NINL: variants seen among roughly 807,000 people sequenced by gnomAD.
NINL encodes ninein-like protein.
A neutral mutation model predicts 160.3 loss-of-function variants in NINL; 153 were observed. The ratio of observed to expected loss-of-function variants is 0.95; its 90% CI spans 0.84 to 1.09. The LOEUF is 1.09. Among genes scored for constraint, NINL ranks in the 50% least tolerant of loss-of-function variants. The pLI is 0.00. For synonymous variants in NINL, 800 were observed against 734.8 expected (o/e 1.09, Z -1.43); for missense variants, 1,829 against 1,764.0 (o/e 1.04, Z -0.66).
intron 17 of NINL, among the ~76,000 whole-genome samples, chr20:25,472,657 T>C (rs959362007): frequency 6.6e-6 from 1 of 150,984 alleles, no homozygotes; most frequent in Non-Finnish European, 1.5e-5. Flanking sequence ...GCCTCCCAAA[T>C]AGCTGGGACC....
Position 25,469,168 on chromosome 20 carries a change from C to A in NINL, c.3353+823G>T, listed in dbSNP as rs1430026682. Among the ~76,000 whole-genome samples the A allele has an allele frequency of 2.1e-5, 3 of 141,496 alleles. 1 individual carries two copies. The East Asian group carries it at 6.7e-4, about 32-fold the overall frequency. 92.8% of individuals were successfully genotyped at this position (141,496 alleles called of 152,430 possible). A position where few individuals can be genotyped will look rare whatever the true frequency, so the allele number is the denominator to read the frequency against. ...TGCCCCACTGCCCTGTCCCTCGACT[C>A]TCACTGGTGAGTGTCCCCTTGCCCT... On this transcript the variant is annotated intron_variant, in intron 18 of 23. Transcript: ENST00000278886.
chr20:25,552,415 C>T (rs1399806797), intron 1 of NINL, among the ~76,000 whole-genome samples: 2 of 152,074 alleles, frequency 1.3e-5, no homozygotes, highest in Non-Finnish European at 2.9e-5. Flanking sequence ...GGTTAAACCA[C>T]TTTTCTAAAA....
In NINL at chr20:25,479,181, G is replaced by A. The variant is rs141944908; in HGVS notation, c.1943C>T (p.Ala648Val). The change falls in exon 16 of 24, where the codon GCG becomes GTG. Residue 648 changes from alanine (A) to valine (V), a missense_variant. Coordinates refer to ENST00000278886, the MANE Select transcript of NINL (RefSeq NM_025176.6). ...TKVNYYEREI[A>V]ALKRNFEKER... is the part of the protein sequence containing the mutation. ...CTTCTCAAAGTTCCTTTTCAGTGCC[G>A]CAATTTCCCTTTCGTAGTAATTTAC... 38 of 1,608,244 alleles carry A rather than the reference G, an allele frequency of 2.4e-5. No homozygotes were observed. Among genetic ancestry groups the A allele is most frequent in the Admixed American group, 1.0e-4 (6 of 59,224 alleles).
intron 13 of NINL, among the ~76,000 whole-genome samples, chr20:25,484,638 T>A (rs1190057527): frequency 6.6e-6 from 1 of 152,164 alleles, no homozygotes; most frequent in Non-Finnish European, 1.5e-5. Flanking sequence ...TACCAGTGAT[T>A]GGTACATGTA....
chr20:25,584,875 G>A (rs1216492063), intron 1 of NINL, among the ~76,000 whole-genome samples: 2 of 152,262 alleles, frequency 1.3e-5, no homozygotes, highest in African/African-American at 2.4e-5. Flanking sequence ...CAGGCGGGAG[G>A]AAAGGGGCGA....
intron 7 of NINL, among the ~76,000 whole-genome samples, chr20:25,503,019 C>T (rs1333836170): frequency 1.3e-5 from 2 of 152,236 alleles, no homozygotes; most frequent in Non-Finnish European, 2.9e-5. Flanking sequence ...AGTTTTCTTG[C>T]TGGGGCATAT....
At chr20:25,504,147 C>T in intron 6 of NINL, 43 bp from the exon 7 acceptor site, 1 of 1,528,838 alleles carries the variant, frequency 6.5e-7, no homozygotes, top group African/African-American at 1.4e-5. Context: ...CACAAGAGCT[C>T]CACCCAACCG....
chr20:25,557,743 T>A (rs945276897), intron 1 of NINL, among the ~76,000 whole-genome samples: 1 of 151,962 alleles, frequency 6.6e-6, no homozygotes, highest in African/African-American at 2.4e-5. Flanking sequence ...TTCTTGACAA[T>A]TGATAGAACT....
intron 17 of NINL, among the ~76,000 whole-genome samples, chr20:25,474,460 G>A (rs1483685008): frequency 2.0e-5 from 3 of 152,220 alleles, no homozygotes; most frequent in African/African-American, 4.8e-5. Context: ...TCTCTGACAC[G>A]GACAGCAGAC....
chr20:25,507,962 C>G (rs2146847531), intron 5 of NINL, among the ~76,000 whole-genome samples: 1 of 152,296 alleles, frequency 6.6e-6, no homozygotes, highest in Admixed American at 6.5e-5. Flanking sequence ...TTTCTGTAAA[C>G]TGCTGGAAGG....
At position 25,476,779 on chromosome 20, in the gene NINL, T is replaced by G; in HGVS notation, c.2512A>C (p.Ser838Arg). 1 of 1,611,922 alleles carries G rather than the reference T, an allele frequency of 6.2e-7. No homozygotes were observed. Among genetic ancestry groups the G allele is most frequent in the Non-Finnish European group, 8.5e-7 (1 of 1,179,906 alleles). Residue 838 changes from serine to arginine, a missense_variant, in exon 17 of 24, where the codon AGT becomes CGT. Ser to Arg is a moderately radical substitution (Grantham distance 110, BLOSUM62 -1). Coordinates refer to ENST00000278886, the MANE Select transcript of NINL (RefSeq NM_025176.6). ...AGGCCACGTGTGCCCTCCTGGCCAC[T>G]TCCTGCCACCAGCCCATCTTTCGGC... ...ALPKDGLVAG[S>R]GQEGTRGLLP...
chr20:25,465,750 T>C (rs2062897584), intron 19 of NINL, among the ~76,000 whole-genome samples: 1 of 152,212 alleles, frequency 6.6e-6, no homozygotes, highest in Non-Finnish European at 1.5e-5. Flanking sequence ...CAAGTTGATC[T>C]GATAGCTAAA....
Position 25,476,023 on chromosome 20 carries a change from AG to A in NINL, c.3248+19del. On this transcript the variant is annotated intron_variant, in intron 17 of 23. Transcript: ENST00000278886. ...TTTTAGTTTGAAGTGTTTAGTTTTA[AG>A]AATGAGTAGAAGGCAAACCTGTCGT... 6.2e-7 allele frequency: 1 copy of A among 1,603,820 alleles called. No homozygotes were observed. Among genetic ancestry groups the A allele is most frequent in the Non-Finnish European group, 8.5e-7 (1 of 1,175,150 alleles).
At chr20:25,519,551 T>C (rs993727656) in intron 2 of NINL, among the ~76,000 whole-genome samples, 3 of 152,204 alleles carry the variant, frequency 2.0e-5, no homozygotes, top group Non-Finnish European at 4.4e-5. Flanking sequence ...TTATAACTTA[T>C]AAATTATCCT....
rs2063633023 is a variant in NINL, at chr20:25,491,433, T to A, written c.1403A>T (p.Gln468Leu). The A allele has an allele frequency of 6.2e-7, 1 of 1,613,724 alleles. No homozygotes were observed. Among genetic ancestry groups the A allele is most frequent in the Non-Finnish European group, 8.5e-7 (1 of 1,180,014 alleles). ...CACGTCCCACTCCAGCGCGGCCCTC[T>A]GCCTGTGGGCCTGCTCCCAGAACAG... The part of the protein sequence containing the change: ...RELFWEQAHR[Q>L]RAALEWDVGR... Residue 468 changes from glutamine (Q) to leucine (L), a missense_variant, in exon 11 of 24, where the codon CAG becomes CTG. By Grantham distance (113) the Gln-to-Leu change is moderately radical. Transcript: ENST00000278886.
intron 1 of NINL, chr20:25,539,990 A>G: frequency 7.8e-7 from 1 of 1,283,318 alleles, no homozygotes; most frequent in African/African-American, 1.5e-5. Flanking sequence ...CCTCACAACA[A>G]GCAGCTCACT....
At chr20:25,512,428 G>A (rs1463493345) in intron 4 of NINL, among the ~76,000 whole-genome samples, 1 of 152,192 alleles carries the variant, frequency 6.6e-6, no homozygotes, top group African/African-American at 2.4e-5. Context: ...ATTCATGATA[G>A]TGAGTTCTCA....
At chr20:25,499,015 A>G (rs2063815027) in intron 8 of NINL, 2 of 985,460 alleles carry the variant, frequency 2.0e-6, no homozygotes, top group Non-Finnish European at 1.2e-6. Context: ...CGCCTTGGGT[A>G]TTCCTGGCTC....
At chr20:25,460,316 C>T (rs1265855193) in intron 21 of NINL, among the ~76,000 whole-genome samples, 1 of 152,188 alleles carries the variant, frequency 6.6e-6, no homozygotes, top group Non-Finnish European at 1.5e-5. Context: ...CTGGAAGCCA[C>T]GTGCTTTGGG....
Sources: gnomAD v4.1 joint callset for allele counts (sites outside exome capture counted in the v4.1 genomes callset) on GRCh38, gnomAD v4.1.1 for gene constraint, MANE v1.5 for transcripts, NCBI Gene and HGNC (gene_info 2026-07-23, HGNC 2026-07-21) for gene names.